The following ARHGAP24 variants were observed in gnomAD, a reference collection of about 807,000 sequenced individuals.
ARHGAP24 encodes the protein Rho GTPase activating protein 24, also known as rho GTPase-activating protein 24.
A neutral mutation model predicts 76.4 loss-of-function variants in ARHGAP24; 50 were observed. The observed-to-expected ratio is 0.65, with a 90% CI of 0.52 to 0.83. ARHGAP24 has a LOEUF of 0.83. Among genes scored for constraint, ARHGAP24 ranks in the 40% least tolerant of loss-of-function variants. The probability of loss-of-function intolerance (pLI) is 0.00; values close to 1 mark genes in which losing one functional copy is unlikely to be tolerated. For synonymous variants in ARHGAP24, 345 were observed against 323.3 expected (o/e 1.07, Z -0.72); for missense variants, 930 against 914.2 (o/e 1.02, Z -0.22).
chr4:85,500,354 C>T (rs1317602051), intron 1 of ARHGAP24, among the ~76,000 whole-genome samples: 2 of 152,090 alleles, frequency 1.3e-5, no homozygotes, highest in Non-Finnish European at 2.9e-5. Flanking sequence ...CATGGCTCTA[C>T]AAGGGAATAA....
At chr4:85,492,425 G>A (rs1303668180) in intron 1 of ARHGAP24, among the ~76,000 whole-genome samples, 3 of 151,984 alleles carry the variant, frequency 2.0e-5, no homozygotes, top group Admixed American at 6.6e-5. Context: ...TCCTCATAAA[G>A]CTTTTATGGA....
At chr4:85,550,001 C>T (rs935492756) in intron 1 of ARHGAP24, among the ~76,000 whole-genome samples, 16 of 152,166 alleles carry the variant, frequency 1.1e-4, no homozygotes, top group African/African-American at 3.9e-4. Flanking sequence ...TCCAATCTAA[C>T]ATTGATTAGC....
At chr4:85,810,551 A>G (rs1162322969) in intron 3 of ARHGAP24, among the ~76,000 whole-genome samples, 1 of 152,174 alleles carries the variant, frequency 6.6e-6, no homozygotes, top group Non-Finnish European at 1.5e-5. Context: ...CCAGTTTCTT[A>G]CTTTTCTAGA....
chr4:85,689,378 AT>A (rs1189563214), intron 2 of ARHGAP24, among the ~76,000 whole-genome samples: 2 of 151,884 alleles, frequency 1.3e-5, no homozygotes, highest in Non-Finnish European at 2.9e-5. Context: ...AATGCTAGTG[AT>A]TTTTTTTAAA....
intron 2 of ARHGAP24, among the ~76,000 whole-genome samples, chr4:85,685,770 G>A (rs886592782): frequency 1.3e-5 from 2 of 152,258 alleles, no homozygotes; most frequent in African/African-American, 2.4e-5. Flanking sequence ...TTTCTGTTCC[G>A]TATCAGTGCA....
At chr4:85,707,073 C>T (rs530374215) in intron 2 of ARHGAP24, among the ~76,000 whole-genome samples, 11 of 152,204 alleles carry the variant, frequency 7.2e-5, no homozygotes, top group African/African-American at 2.6e-4. Flanking sequence ...TGTTACCAAG[C>T]CTGGCTAATT....
intron 3 of ARHGAP24, among the ~76,000 whole-genome samples, chr4:85,755,648 T>TTTTTTGAGACGGAGTCTCG (rs1726462070): frequency 1.6e-5 from 2 of 122,254 alleles, no homozygotes. Flanking sequence ...TTTGTTTTGT[T>TTTTTTGAGACGGAGTCTCG]TTGAGACGGA....
chr4:85,934,918 C>T (rs986318279), intron 4 of ARHGAP24, among the ~76,000 whole-genome samples: 6 of 152,146 alleles, frequency 3.9e-5, no homozygotes, highest in Admixed American at 6.5e-5. Flanking sequence ...TGCACATATG[C>T]GTGCACATAC....
At chr4:85,669,661 A>G (rs1722754401) in intron 2 of ARHGAP24, among the ~76,000 whole-genome samples, 2 of 58,172 alleles carry the variant, frequency 3.4e-5, no homozygotes, top group Admixed American at 4.8e-4. Flanking sequence ...ATATATATAT[A>G]TATATATATA....
intron 1 of ARHGAP24, among the ~76,000 whole-genome samples, chr4:85,512,585 C>A (rs1724326188): frequency 6.6e-6 from 1 of 152,084 alleles, no homozygotes. Context: ...TCGACCAGGT[C>A]TTTTGGGATT....
chr4:85,505,096 A>G lies in ARHGAP24; in HGVS notation c.-21+29537A>G, dbSNP rs565504797. Among the ~76,000 whole-genome samples, 10 of 152,296 alleles carry G rather than the reference A, an allele frequency of 6.6e-5. No homozygotes were observed. In the South Asian group the frequency reaches 2.1e-3, roughly 32 times the overall value. ...GGTTTCTGTGGAGAGATCTGCTATT[A>G]GTCTGATGGGCTTCCCTTTGTGAGT... On this transcript the variant is annotated intron_variant, in intron 1 of 9. Coordinates refer to ENST00000395184, the MANE Select transcript of ARHGAP24 (RefSeq NM_001025616.3).
At chr4:85,547,137 T>C (rs192215185) in intron 1 of ARHGAP24, among the ~76,000 whole-genome samples, 2 of 152,318 alleles carry the variant, frequency 1.3e-5, no homozygotes, top group East Asian at 3.9e-4. Flanking sequence ...TATTGTCTCC[T>C]TTCTCTGTTT....
At chr4:85,761,815 C>T (rs13111293) in intron 3 of ARHGAP24, among the ~76,000 whole-genome samples, 75,988 of 152,124 alleles carry the variant, frequency 0.5, 22,387 homozygotes, top group Non-Finnish European at 0.68. Context: ...TTACTACAAA[C>T]GCTTTAACCT....
intron 8 of ARHGAP24, among the ~76,000 whole-genome samples, chr4:85,979,379 T>C (rs1309904380): frequency 6.6e-6 from 1 of 152,188 alleles, no homozygotes; most frequent in African/African-American, 2.4e-5. Context: ...CACAGTTCAG[T>C]AGCATTCAGT....
chr4:85,505,080 G>C (rs543138257), intron 1 of ARHGAP24, among the ~76,000 whole-genome samples: 2 of 152,214 alleles, frequency 1.3e-5, no homozygotes, highest in East Asian at 1.9e-4. Context: ...GGGTTTCTGT[G>C]GAGAGATCTG....
chr4:85,830,028 A>ATGCAATT (rs966502681), intron 3 of ARHGAP24, among the ~76,000 whole-genome samples: 4 of 152,256 alleles, frequency 2.6e-5, no homozygotes, highest in African/African-American at 9.6e-5. Flanking sequence ...ATTTACTTCT[A>ATGCAATT]TGCAATTAAG....
chr4:85,801,789 T>C (rs972265671), intron 3 of ARHGAP24, among the ~76,000 whole-genome samples: 1 of 152,246 alleles, frequency 6.6e-6, no homozygotes, highest in Admixed American at 6.5e-5. Flanking sequence ...CCTGGCAATA[T>C]GTTAGCCAGA....
Position 85,772,014 on chromosome 4 carries a change from A to T in ARHGAP24, c.268+50042A>T, listed in dbSNP as rs1459954322. ...GTGAGCCACTGTGCCTGGTTGTTCT[A>T]TACCATTTTTAAATAAAAATAAACT... On this transcript the variant is annotated intron_variant, in intron 3 of 9. Transcript: ENST00000395184. Among the ~76,000 whole-genome samples the T allele has an allele frequency of 3.9e-5, 6 of 152,312 alleles. No homozygotes were observed. In the East Asian group the frequency reaches 7.7e-4, roughly 20 times the overall value.
intron 3 of ARHGAP24, among the ~76,000 whole-genome samples, chr4:85,780,007 C>G (rs1450998497): frequency 6.6e-6 from 1 of 152,140 alleles, no homozygotes; most frequent in Non-Finnish European, 1.5e-5. Flanking sequence ...ATGTTTTGAG[C>G]TCTCTCTGGA....
Sources: gnomAD v4.1 joint callset for allele counts (sites outside exome capture counted in the v4.1 genomes callset) on GRCh38, gnomAD v4.1.1 for gene constraint, MANE v1.5 for transcripts, NCBI Gene and HGNC (gene_info 2026-07-23, HGNC 2026-07-21) for gene names.